The following CADM2 variants were observed in gnomAD, a reference collection of about 807,000 sequenced individuals.
CADM2 encodes the protein immunoglobulin superfamily member 4D.
A neutral mutation model predicts 49.8 loss-of-function variants in CADM2; 12 were observed. The ratio of observed to expected loss-of-function variants is 0.24; its 90% CI spans 0.15 to 0.39. The LOEUF (loss-of-function observed/expected upper bound fraction) is 0.39, where lower values mean the gene tolerates loss of function less well. CADM2 is among the 10% of genes least tolerant of loss of function. CADM2 has a pLI of 1.00. For synonymous variants in CADM2, 214 were observed against 175.4 expected, an observed-to-expected ratio of 1.22 and a Z score of -1.74; for missense variants, 378 against 492.3, an observed-to-expected ratio of 0.77 and a Z score of 2.20.
chr3:86,057,236 T>C (rs1288581935), intron 8 of CADM2, among the ~76,000 whole-genome samples: 1 of 152,198 alleles, frequency 6.6e-6, no homozygotes, highest in Non-Finnish European at 1.5e-5. Flanking sequence ...CCACAAGTTA[T>C]GTATAACTGT....
chr3:85,720,697 T>C (rs1293039798), intron 1 of CADM2, among the ~76,000 whole-genome samples: 1 of 151,434 alleles, frequency 6.6e-6, no homozygotes, highest in African/African-American at 2.5e-5. Context: ...AGGTGATAGT[T>C]AAGAAAGATG....
chr3:85,323,823 T>C (rs549856142), intron 1 of CADM2, among the ~76,000 whole-genome samples: 1 of 152,336 alleles, frequency 6.6e-6, no homozygotes, highest in African/African-American at 2.4e-5. Flanking sequence ...CTTTGGTATC[T>C]AGAAAAGTCA....
chr3:85,048,569 C>T (rs1293177685), intron 1 of CADM2, among the ~76,000 whole-genome samples: 1 of 152,016 alleles, frequency 6.6e-6, no homozygotes, highest in Non-Finnish European at 1.5e-5. Context: ...GCCTAGGTAC[C>T]CTTAGGACTT....
chr3:86,017,367 G>A (rs1203854287), intron 8 of CADM2, among the ~76,000 whole-genome samples: 1 of 151,776 alleles, frequency 6.6e-6, no homozygotes, highest in Non-Finnish European at 1.5e-5. Context: ...AAAATTATTT[G>A]ATTTCTGAAG....
intron 1 of CADM2, among the ~76,000 whole-genome samples, chr3:85,417,734 A>C (rs1192756995): frequency 6.6e-6 from 1 of 152,184 alleles, no homozygotes; most frequent in East Asian, 1.9e-4. Context: ...CAAAAGTCAG[A>C]GAAGTTGGAC....
chr3:85,175,214 A>G (rs1225063663), intron 1 of CADM2, among the ~76,000 whole-genome samples: 1 of 152,206 alleles, frequency 6.6e-6, no homozygotes, highest in East Asian at 1.9e-4. Flanking sequence ...TTGTATCGTC[A>G]TATTTCAAAC....
chr3:85,948,439 T>C (rs189320188), intron 7 of CADM2, among the ~76,000 whole-genome samples: 288 of 151,528 alleles, frequency 1.9e-3, no homozygotes, highest in African/African-American at 6.7e-3. Flanking sequence ...CTGTTAAATA[T>C]CTTGACTATC....
At chr3:85,971,884 G>C (rs1334294672) in intron 8 of CADM2, among the ~76,000 whole-genome samples, 3 of 151,538 alleles carry the variant, frequency 2.0e-5, no homozygotes, top group African/African-American at 7.3e-5. Flanking sequence ...GTTTAAAATT[G>C]CAGTACTTTT....
chr3:85,024,654 A>G (rs1451859256), intron 1 of CADM2, among the ~76,000 whole-genome samples: 1 of 144,416 alleles, frequency 6.9e-6, no homozygotes, highest in Middle Eastern at 3.6e-3. Flanking sequence ...AAAGGCAGTA[A>G]TTATAGTTTT....
At chr3:85,959,037 T>TATATCTAA (rs1321723087) in intron 7 of CADM2, among the ~76,000 whole-genome samples, 2 of 69,362 alleles carry the variant, frequency 2.9e-5, no homozygotes, top group African/African-American at 7.1e-4. Flanking sequence ...AATCTATATC[T>TATATCTAA]ATATCTATAT....
chr3:85,782,938 A>T (rs1018551151), intron 2 of CADM2, among the ~76,000 whole-genome samples: 6 of 152,148 alleles, frequency 3.9e-5, no homozygotes, highest in Admixed American at 2.0e-4. Flanking sequence ...AGTACATTTA[A>T]AACTCAACTC....
chr3:85,853,060 T>C (rs2075168572), intron 3 of CADM2, among the ~76,000 whole-genome samples: 1 of 152,010 alleles, frequency 6.6e-6, no homozygotes, highest in African/African-American at 2.4e-5. Flanking sequence ...AGGTAGCAAC[T>C]ATTAAAACCA....
At chr3:85,105,729 T>G (rs2107555260) in intron 1 of CADM2, among the ~76,000 whole-genome samples, 1 of 152,138 alleles carries the variant, frequency 6.6e-6, no homozygotes, top group Admixed American at 6.5e-5. Context: ...ATTAAGAAAA[T>G]ATGGCACATG....
At chr3:86,020,163 C>A (rs1265239449) in intron 8 of CADM2, among the ~76,000 whole-genome samples, 1 of 151,950 alleles carries the variant, frequency 6.6e-6, no homozygotes, top group African/African-American at 2.4e-5. Flanking sequence ...ATGTCACCAC[C>A]GATCCCACAG....
At chr3:85,716,840 G>A (rs1038561615) in intron 1 of CADM2, among the ~76,000 whole-genome samples, 3 of 152,078 alleles carry the variant, frequency 2.0e-5, no homozygotes, top group Admixed American at 2.0e-4. Flanking sequence ...CCTCTGTTCT[G>A]TTCCATTGGT....
intron 1 of CADM2, among the ~76,000 whole-genome samples, chr3:85,379,185 G>T (rs1335995164): frequency 6.6e-6 from 1 of 151,826 alleles, no homozygotes; most frequent in Non-Finnish European, 1.5e-5. Context: ...CATTTATGTT[G>T]ATCATAATTT....
At chr3:85,096,336 A>T (rs1244429885) in intron 1 of CADM2, among the ~76,000 whole-genome samples, 1 of 152,084 alleles carries the variant, frequency 6.6e-6, no homozygotes, top group East Asian at 1.9e-4. Flanking sequence ...TCCCAGGCTG[A>T]GGTAAATGGG....
intron 1 of CADM2, among the ~76,000 whole-genome samples, chr3:85,102,586 A>G (rs1444378552): frequency 6.6e-6 from 1 of 152,200 alleles, no homozygotes; most frequent in African/African-American, 2.4e-5. Context: ...AGCAAGACCT[A>G]TAATATTGAA....
chr3:85,488,706 A>G (rs1288624398), intron 1 of CADM2, among the ~76,000 whole-genome samples: 1 of 151,858 alleles, frequency 6.6e-6, no homozygotes, highest in African/African-American at 2.4e-5. Context: ...TAATTTTTGT[A>G]TTTTTAGTAG....
Sources: allele counts gnomAD v4.1 joint callset (sites outside exome capture counted in the v4.1 genomes callset), GRCh38; gene constraint gnomAD v4.1.1; transcripts MANE v1.5; gene names NCBI Gene and HGNC (gene_info 2026-07-23, HGNC 2026-07-21).